The following SOCS5 variants were observed in gnomAD, a reference collection of about 807,000 sequenced individuals.
SOCS5 encodes CIS-6.
In SOCS5, 32 loss-of-function variants were observed where a neutral mutation model predicts 42.8. The ratio of observed to expected loss-of-function variants is 0.75; its 90% CI spans 0.56 to 1.01. The LOEUF (loss-of-function observed/expected upper bound fraction) is 1.01. SOCS5 is among the 50% of genes least tolerant of loss of function. The probability of loss-of-function intolerance (pLI) is 0.00; values close to 1 mark genes in which losing one functional copy is unlikely to be tolerated. For synonymous variants in SOCS5, 283 were observed against 229.6 expected (o/e 1.23, Z -2.10); for missense variants, 627 against 653.0 (o/e 0.96, Z 0.43).
intron 1 of SOCS5, among the ~76,000 whole-genome samples, chr2:46,709,040 C>T (rs1672557297): frequency 6.6e-6 from 1 of 152,054 alleles, no homozygotes; most frequent in Admixed American, 6.5e-5. Context: ...GCATGCACCA[C>T]CACGCCTGGC....
intron 1 of SOCS5, among the ~76,000 whole-genome samples, chr2:46,740,333 G>C (rs1558408847): frequency 6.6e-6 from 1 of 152,202 alleles, no homozygotes; most frequent in Non-Finnish European, 1.5e-5. Context: ...TAACCAATCA[G>C]GTTCTGACAG....
intron 1 of SOCS5, among the ~76,000 whole-genome samples, chr2:46,747,990 C>G (rs1401194122): frequency 2.6e-5 from 4 of 152,098 alleles, no homozygotes; most frequent in African/African-American, 9.7e-5. Flanking sequence ...ATGTTACATG[C>G]TAATTGGTAA....
Position 46,707,011 on chromosome 2 carries a change from A to G in SOCS5, c.-13+7562A>G, listed in dbSNP as rs548446964. Among the ~76,000 whole-genome samples the G allele has an allele frequency of 3.3e-5, 5 of 152,104 alleles. No individual in the cohort carries two copies. The South Asian group carries it at 1.0e-3, about 32-fold the overall frequency. On this transcript the variant is annotated intron_variant, in intron 1 of 1. Coordinates refer to ENST00000394861, the MANE Select transcript of SOCS5 (RefSeq NM_144949.3). ...TGCTTTAAAAATTTTTAAATGCTGT[A>G]CAAATGAGGATGGAGGAATACTGAT...
intron 1 of SOCS5, among the ~76,000 whole-genome samples, chr2:46,742,439 C>T (rs532060608): frequency 6.9e-6 from 1 of 145,770 alleles, no homozygotes; most frequent in Non-Finnish European, 1.5e-5. Flanking sequence ...TAATTTTCAA[C>T]ATATGACAAC....
In SOCS5 at chr2:46,758,679, C is replaced by G; in HGVS notation, c.149C>G (p.Ser50Ter). The G allele has an allele frequency of 6.2e-7, 1 of 1,614,140 alleles. No homozygotes were observed. ...GAGAAAAACATCAGCATAGGAGACT[C>G]AACTCCTCAGCAACAAAGCAGTCCC... ...VKEKNISIGD[S>*]TPQQQSSPLR... Residue 50 changes from serine to a stop codon, truncating the protein, a stop_gained, in exon 2 of 2, where the codon TCA becomes TGA. Transcript: ENST00000394861. LOFTEE classifies it high-confidence loss of function.
chr2:46,757,632 C>T (rs1204092519), intron 1 of SOCS5, among the ~76,000 whole-genome samples: 5 of 151,986 alleles, frequency 3.3e-5, no homozygotes, highest in African/African-American at 7.3e-5. Flanking sequence ...TTTGGGAGGC[C>T]GAGGCCAGTG....
At chr2:46,716,051 C>G (rs550203038) in intron 1 of SOCS5, among the ~76,000 whole-genome samples, 3 of 149,476 alleles carry the variant, frequency 2.0e-5, no homozygotes, top group African/African-American at 7.3e-5. Context: ...TTGTTAATAG[C>G]TTCTTTGTCT....
At chr2:46,737,096 C>G (rs1266025796) in intron 1 of SOCS5, among the ~76,000 whole-genome samples, 1 of 152,154 alleles carries the variant, frequency 6.6e-6, no homozygotes, top group African/African-American at 2.4e-5. Flanking sequence ...AGTAATTTAT[C>G]ACCTCTCCCA....
intron 1 of SOCS5, among the ~76,000 whole-genome samples, chr2:46,732,184 C>T (rs2103728825): frequency 6.6e-6 from 1 of 152,240 alleles, no homozygotes; most frequent in Middle Eastern, 3.4e-3. Flanking sequence ...CTAGTGTAAC[C>T]AGCACATTGA....
intron 1 of SOCS5, among the ~76,000 whole-genome samples, chr2:46,706,765 G>C (rs1672472692): frequency 6.6e-6 from 1 of 152,192 alleles, no homozygotes; most frequent in African/African-American, 2.4e-5. Flanking sequence ...TTGCCCTGGA[G>C]GTAGAGGAAA....
rs199571798 is a variant in SOCS5 at position 46,759,709 on chromosome 2, C to A, written c.1179C>A (p.Ala393=). The A allele has an allele frequency of 6.2e-7, 1 of 1,614,090 alleles. No homozygotes were observed. Among genetic ancestry groups the A allele is most frequent in the Non-Finnish European group, 8.5e-7 (1 of 1,179,992 alleles). The change falls in exon 2 of 2, where the codon GCC becomes GCA. Residue 393 remains alanine (A), a synonymous_variant. Coordinates refer to ENST00000394861, the MANE Select transcript of SOCS5 (RefSeq NM_144949.3). ...WGVMDRYEAE[A]LLEGKPEGTF... is the part of the protein sequence containing the mutation. ...TGATGGACCGTTATGAAGCAGAAGC[C>A]CTTCTCGAAGGGAAACCTGAAGGCA...
intron 1 of SOCS5, among the ~76,000 whole-genome samples, chr2:46,755,949 A>G (rs1045473529): frequency 2.6e-5 from 4 of 152,168 alleles, no homozygotes; most frequent in South Asian, 2.1e-4. Context: ...AAAATCAACT[A>G]TCTTTCTCCA....
chr2:46,729,233 C>T (rs762483304), intron 1 of SOCS5, among the ~76,000 whole-genome samples: 8 of 152,170 alleles, frequency 5.3e-5, no homozygotes, highest in Admixed American at 1.3e-4. Context: ...TGACATATAG[C>T]TTGAAATTCA....
chr2:46,701,064 T>A (rs948627980), intron 1 of SOCS5, among the ~76,000 whole-genome samples: 58 of 152,346 alleles, frequency 3.8e-4, no homozygotes, highest in African/African-American at 1.3e-3. Context: ...TTATATATAT[T>A]TTCTCCTTAT....
intron 1 of SOCS5, among the ~76,000 whole-genome samples, chr2:46,709,203 C>G (rs1488832888): frequency 1.3e-5 from 2 of 152,124 alleles, no homozygotes; most frequent in Non-Finnish European, 2.9e-5. Context: ...CATCCCTAAG[C>G]AACTAGCACT....
At chr2:46,744,349 TAAG>T (rs1331434903) in intron 1 of SOCS5, among the ~76,000 whole-genome samples, 4 of 152,276 alleles carry the variant, frequency 2.6e-5, no homozygotes, top group Non-Finnish European at 4.4e-5. Context: ...GATAAACTCT[TAAG>T]AAGTTGAGAG....
chr2:46,751,621 TA>T (rs1319394578), intron 1 of SOCS5, among the ~76,000 whole-genome samples: 1 of 152,156 alleles, frequency 6.6e-6, no homozygotes, highest in Non-Finnish European at 1.5e-5. Context: ...ATTCTGTGTG[TA>T]TATTATTTTT....
chr2:46,714,538 G>C (rs1282452038), intron 1 of SOCS5, among the ~76,000 whole-genome samples: 1 of 152,070 alleles, frequency 6.6e-6, no homozygotes, highest in Non-Finnish European at 1.5e-5. Context: ...TGGATTTCTT[G>C]TAGAGAATGT....
intron 1 of SOCS5, among the ~76,000 whole-genome samples, chr2:46,712,928 C>A (rs1318057187): frequency 6.6e-6 from 1 of 151,688 alleles, no homozygotes; most frequent in Non-Finnish European, 1.5e-5. Flanking sequence ...GGAGGTGTTT[C>A]CTCTTATTTT....
Sources: allele counts gnomAD v4.1 joint callset (sites outside exome capture counted in the v4.1 genomes callset), GRCh38; gene constraint gnomAD v4.1.1; transcripts MANE v1.5; gene names NCBI Gene and HGNC (gene_info 2026-07-23, HGNC 2026-07-21).